The following CASS4 variants were observed in gnomAD, a reference collection of about 807,000 sequenced individuals.
CASS4 encodes cas scaffolding protein family member 4.
A neutral mutation model predicts 54.2 loss-of-function variants in CASS4; 22 were observed. That is an observed-to-expected ratio of 0.41 (90% CI 0.29 to 0.58). CASS4 has a LOEUF of 0.58. Among genes scored for constraint, CASS4 ranks in the 20% least tolerant of loss-of-function variants. The pLI, the probability that CASS4 is intolerant of heterozygous loss-of-function variation, is 0.36. For missense variants in CASS4, 854 were observed against 986.7 expected, an observed-to-expected ratio of 0.87 and a Z score of 1.80; for synonymous variants, 409 against 391.5, an observed-to-expected ratio of 1.04 and a Z score of -0.53.
chr20:56,455,389 T>G (rs897691207), intron 5 of CASS4, among the ~76,000 whole-genome samples: 3 of 152,172 alleles, frequency 2.0e-5, no homozygotes, highest in Non-Finnish European at 2.9e-5. Context: ...ACCTAGGTTA[T>G]AGGGCAGATG....
intron 1 of CASS4, among the ~76,000 whole-genome samples, chr20:56,425,155 A>G (rs2146268750): frequency 6.6e-6 from 1 of 152,334 alleles, no homozygotes; most frequent in East Asian, 1.9e-4. Flanking sequence ...GCAGCTGGCC[A>G]AAGGAGAGTT....
intron 1 of CASS4, among the ~76,000 whole-genome samples, chr20:56,431,797 T>C (rs1250967913): frequency 6.6e-6 from 1 of 152,212 alleles, no homozygotes; most frequent in Non-Finnish European, 1.5e-5. Flanking sequence ...TCTAGACAAA[T>C]GCAAGCACAT....
At chr20:56,422,290 T>C (rs1290659795) in intron 1 of CASS4, among the ~76,000 whole-genome samples, 1 of 152,240 alleles carries the variant, frequency 6.6e-6, no homozygotes, top group Non-Finnish European at 1.5e-5. Flanking sequence ...TGGGCCCATC[T>C]TGGGCCACAT....
chr20:56,427,373 G>A (rs927033211), intron 1 of CASS4, among the ~76,000 whole-genome samples: 1 of 151,984 alleles, frequency 6.6e-6, no homozygotes, highest in Admixed American at 6.6e-5. Context: ...TTTTTCTTAC[G>A]CTCTTGGAAA....
At chr20:56,438,420 G>C (rs1205090870) in intron 2 of CASS4, among the ~76,000 whole-genome samples, 1 of 140,630 alleles carries the variant, frequency 7.1e-6, no homozygotes, top group East Asian at 2.2e-4. Context: ...AACTCAAAGA[G>C]GCCTAAATGT....
At chr20:56,416,536 TG>T (rs1979146911) in intron 1 of CASS4, among the ~76,000 whole-genome samples, 1 of 151,980 alleles carries the variant, frequency 6.6e-6, no homozygotes. Context: ...TCCGTGTGTG[TG>T]TGTGTGTGTG....
At chr20:56,415,711 C>T (rs544141707) in intron 1 of CASS4, among the ~76,000 whole-genome samples, 2 of 152,190 alleles carry the variant, frequency 1.3e-5, no homozygotes, top group Non-Finnish European at 2.9e-5. Flanking sequence ...TCAGGGCCAC[C>T]GCAGATAGCC....
At chr20:56,420,555 AT>A (rs11475630) in intron 1 of CASS4, among the ~76,000 whole-genome samples, 9,541 of 137,200 alleles carry the variant, frequency 0.07, 570 homozygotes, top group East Asian at 0.33. Flanking sequence ...TGCCCATCTA[AT>A]TTTTTTTTTT....
intron 1 of CASS4, among the ~76,000 whole-genome samples, chr20:56,413,956 T>C (rs916980209): frequency 2.6e-5 from 4 of 152,186 alleles, no homozygotes; most frequent in Non-Finnish European, 5.9e-5. Flanking sequence ...ACACACTTCA[T>C]TTTTATTGTT....
chr20:56,414,514 G>A lies in CASS4; in HGVS notation c.36+2020G>A, dbSNP rs1364386772. Among the ~76,000 whole-genome samples, 1 of 152,034 alleles carries A rather than the reference G, an allele frequency of 6.6e-6. No homozygotes were observed. The highest frequency in any genetic ancestry group is 1.5e-5 in the Non-Finnish European group (1 of 68,008). ...AGCTGGACTCAAATTCCTGAACTCAGGTGATTCTTCTGCCTCAGCCTCCCA... is the reference window on the plus strand; with the variant it reads ...AGCTGGACTCAAATTCCTGAACTCAAGTGATTCTTCTGCCTCAGCCTCCCA... On this transcript the variant is annotated intron_variant, in intron 1 of 5. Transcript: ENST00000679887. The surrounding 1 kb of genome is among the most constrained non-coding windows in gnomAD (Gnocchi z 4.1).
chr20:56,423,176 A>G (rs892542149), intron 1 of CASS4, among the ~76,000 whole-genome samples: 22 of 152,230 alleles, frequency 1.4e-4, no homozygotes, highest in Non-Finnish European at 2.4e-4. Context: ...TCCCTTCCCA[A>G]GCGACTTCTG....
At chr20:56,415,738 T>C (rs1979100691) in intron 1 of CASS4, among the ~76,000 whole-genome samples, 1 of 152,232 alleles carries the variant, frequency 6.6e-6, no homozygotes, top group South Asian at 2.1e-4. Context: ...ACCCTGAAGT[T>C]CGCCTTTGTA....
chr20:56,421,770 C>T (rs550151862), intron 1 of CASS4, among the ~76,000 whole-genome samples: 4 of 152,142 alleles, frequency 2.6e-5, no homozygotes, highest in East Asian at 1.9e-4. Flanking sequence ...TAATTGCTTA[C>T]GACCCATCAA....
At chr20:56,432,892 G>A (rs542501471) in intron 1 of CASS4, among the ~76,000 whole-genome samples, 1 of 129,452 alleles carries the variant, frequency 7.7e-6, no homozygotes, top group Non-Finnish European at 1.5e-5. Context: ...CCAAAAGTGT[G>A]GGCAGGGGCG....
intron 1 of CASS4, among the ~76,000 whole-genome samples, chr20:56,419,144 T>A (rs1185754468): frequency 6.6e-6 from 1 of 151,910 alleles, no homozygotes; most frequent in East Asian, 1.9e-4. Context: ...TTGCGATGAC[T>A]AAGGGAGGAA....
Position 56,447,005 on chromosome 20 carries a change from C to T in CASS4, c.561+1004C>T, listed in dbSNP as rs534866219. 5.3e-5 allele frequency among the ~76,000 whole-genome samples: 8 copies of T among 152,090 alleles called. No individual in the cohort carries two copies. The East Asian group carries it at 7.8e-4, about 15-fold the overall frequency. ...GGAGGATCACTTGACACTAGGAGTT[C>T]GAGACCAGCCCAGCCAACATGGTGA... On this transcript the variant is annotated intron_variant, in intron 3 of 5. Transcript: ENST00000679887.
chr20:56,451,192 T>C (rs1320692453), intron 4 of CASS4, among the ~76,000 whole-genome samples: 1 of 152,122 alleles, frequency 6.6e-6, no homozygotes, highest in African/African-American at 2.4e-5. Context: ...TCTCTGTTTT[T>C]ATGGGCTGGG....
intron 5 of CASS4, among the ~76,000 whole-genome samples, chr20:56,455,417 A>C (rs1024874831): frequency 2.0e-5 from 3 of 152,200 alleles, no homozygotes; most frequent in African/African-American, 7.2e-5. Context: ...GGGTGGAAGA[A>C]AAGGATGTCC....
intron 2 of CASS4, among the ~76,000 whole-genome samples, chr20:56,444,569 G>T (rs1017988791): frequency 1.3e-5 from 2 of 152,166 alleles, no homozygotes; most frequent in African/African-American, 4.8e-5. Context: ...AGACGTTCTA[G>T]TTCAGGAGGT....
Sources: allele counts gnomAD v4.1 joint callset (sites outside exome capture counted in the v4.1 genomes callset), GRCh38; gene constraint gnomAD v4.1.1; non-coding constraint Gnocchi (gnomAD v3.1); transcripts MANE v1.5; gene names NCBI Gene and HGNC (gene_info 2026-07-23, HGNC 2026-07-21).